SAMMSON: variants seen among roughly 807,000 people sequenced by gnomAD.
SAMMSON encodes the protein survival associated mitochondrial melanoma specific oncogenic non-coding RNA, also known as long intergenic non-protein coding RNA 1212.
intron 7 of SAMMSON, chr3:70,302,688 G>A (rs1252500946): frequency 1.3e-5 from 2 of 152,158 alleles, no homozygotes; most frequent in East Asian, 1.9e-4. Context: ...ATTAATAATG[G>A]TGAGCTAAGA....
chr3:70,062,195 AAAT>A (rs994193421), intron 3 of SAMMSON, among the ~76,000 whole-genome samples: 5 of 152,090 alleles, frequency 3.3e-5, no homozygotes, highest in Admixed American at 2.0e-4. Context: ...ATGCCCATAC[AAAT>A]AATAATATCG....
chr3:70,180,850 A>G (rs183144609), intron 4 of SAMMSON, among the ~76,000 whole-genome samples: 24 of 152,280 alleles, frequency 1.6e-4, no homozygotes, highest in Middle Eastern at 6.8e-3. Context: ...AGTCAGAGAA[A>G]AGCAAAGGCC....
At chr3:70,104,373 T>C (rs1260774603) in intron 4 of SAMMSON, among the ~76,000 whole-genome samples, 1 of 152,052 alleles carries the variant, frequency 6.6e-6, no homozygotes, top group Admixed American at 6.6e-5. Flanking sequence ...TCTAGGAGTA[T>C]TTTAACCAGT....
intron 9 of SAMMSON, among the ~76,000 whole-genome samples, chr3:70,379,037 G>A (rs935384415): frequency 2.8e-5 from 4 of 142,424 alleles, no homozygotes; most frequent in African/African-American, 5.2e-5. Context: ...ATTTTAAGAC[G>A]GAGTCTCACT....
intron 4 of SAMMSON, among the ~76,000 whole-genome samples, chr3:70,191,358 A>T (rs1256061406): frequency 1.3e-5 from 2 of 152,234 alleles, no homozygotes; most frequent in Non-Finnish European, 2.9e-5. Flanking sequence ...TTGACTGATT[A>T]AAAACAATTC....
intron 3 of SAMMSON, among the ~76,000 whole-genome samples, chr3:70,034,723 A>T (rs960214402): frequency 1.7e-4 from 26 of 152,148 alleles, no homozygotes; most frequent in Non-Finnish European, 2.8e-4. Flanking sequence ...GGGCACCTGT[A>T]ATCCCAGCTA....
chr3:70,083,421 C>T (rs555472297), intron 4 of SAMMSON, among the ~76,000 whole-genome samples: 4 of 152,136 alleles, frequency 2.6e-5, no homozygotes, highest in Admixed American at 2.0e-4. Context: ...TTCTATGTCA[C>T]CTCTATCCCC....
chr3:70,225,955 C>T (rs1358459976), intron 4 of SAMMSON, among the ~76,000 whole-genome samples: 1 of 152,036 alleles, frequency 6.6e-6, no homozygotes, highest in Non-Finnish European at 1.5e-5. Flanking sequence ...ATGATGCTTA[C>T]GTCATTAACA....
At chr3:70,319,169 C>T (rs2106715770) in intron 7 of SAMMSON, among the ~76,000 whole-genome samples, 1 of 152,136 alleles carries the variant, frequency 6.6e-6, no homozygotes, top group East Asian at 1.9e-4. Flanking sequence ...TCTCCATAAC[C>T]CTACACTGCA....
At chr3:70,416,493 G>T (rs1701265838) in intron 2 of SAMMSON, among the ~76,000 whole-genome samples, 1 of 152,104 alleles carries the variant, frequency 6.6e-6, no homozygotes, top group Admixed American at 6.5e-5. Context: ...TCACGGATGG[G>T]TGGTAAAAAT....
chr3:70,028,174 C>CTTT (rs1491417891), intron 3 of SAMMSON, among the ~76,000 whole-genome samples: 1 of 136,086 alleles, frequency 7.3e-6, no homozygotes, highest in Non-Finnish European at 1.6e-5. Flanking sequence ...TTCCTTCCTT[C>CTTT]CTTCCTTCCT....
intron 4 of SAMMSON, among the ~76,000 whole-genome samples, chr3:70,185,150 G>A (rs1030918064): frequency 6.6e-6 from 1 of 152,082 alleles, no homozygotes; most frequent in African/African-American, 2.4e-5. Flanking sequence ...TCTTGATCTT[G>A]GAGAGATTCT....
At chr3:70,307,799 T>C (rs1181440234) in intron 7 of SAMMSON, among the ~76,000 whole-genome samples, 1 of 152,166 alleles carries the variant, frequency 6.6e-6, no homozygotes, top group African/African-American at 2.4e-5. Flanking sequence ...AGAACCAATG[T>C]CCACTACTTA....
intron 3 of SAMMSON, among the ~76,000 whole-genome samples, chr3:70,034,336 TA>T (rs1396883116): frequency 6.6e-6 from 1 of 152,208 alleles, no homozygotes; most frequent in Non-Finnish European, 1.5e-5. Flanking sequence ...CTATATTTAG[TA>T]AAATAATTTG....
chr3:70,385,529 T>C (rs1379196662), intron 9 of SAMMSON, among the ~76,000 whole-genome samples: 4 of 152,096 alleles, frequency 2.6e-5, no homozygotes, highest in Non-Finnish European at 5.9e-5. Flanking sequence ...TCTGCTAGGC[T>C]GTGTGGGGGT....
At chr3:70,146,449 A>G (rs1309266784) in intron 4 of SAMMSON, among the ~76,000 whole-genome samples, 1 of 152,010 alleles carries the variant, frequency 6.6e-6, no homozygotes, top group African/African-American at 2.4e-5. Flanking sequence ...AGCAGTTTAT[A>G]AAAATTAATA....
intron 2 of SAMMSON, among the ~76,000 whole-genome samples, chr3:70,427,394 C>T (rs906969194): frequency 4.6e-5 from 7 of 152,134 alleles, no homozygotes; most frequent in African/African-American, 1.7e-4. Flanking sequence ...AAGCACTGAA[C>T]TAAATGTTCT....
intron 3 of SAMMSON, among the ~76,000 whole-genome samples, chr3:70,022,027 C>T (rs1305503217): frequency 1.3e-5 from 2 of 152,072 alleles, no homozygotes; most frequent in Non-Finnish European, 2.9e-5. Flanking sequence ...GACAGCGTTT[C>T]ACATCACCTG....
intron 7 of SAMMSON, chr3:70,302,617 G>A (rs146343778): frequency 3.1e-4 from 47 of 152,122 alleles, no homozygotes; most frequent in African/African-American, 1.1e-3. Flanking sequence ...CTTCCTATTG[G>A]GACTGGAGGA....
Sources: allele counts gnomAD v4.1 joint callset (sites outside exome capture counted in the v4.1 genomes callset), GRCh38; gene constraint gnomAD v4.1.1; transcripts MANE v1.5; gene names NCBI Gene and HGNC (gene_info 2026-07-23, HGNC 2026-07-21).